Variants in ARHGAP44 observed in about 807,000 individuals in gnomAD.
The protein encoded by ARHGAP44 is rho GTPase-activating protein 44.
In ARHGAP44, 43 loss-of-function variants were observed where a neutral mutation model predicts 106.8. The ratio of observed to expected loss-of-function variants is 0.40; its 90% confidence interval spans 0.32 to 0.52. The LOEUF (loss-of-function observed/expected upper bound fraction) is 0.52. Among genes scored for constraint, ARHGAP44 ranks in the 20% least tolerant of loss-of-function variants. ARHGAP44 has a pLI of 0.48. For missense variants in ARHGAP44, 866 were observed against 1,050.5 expected, an observed-to-expected ratio of 0.82 and a Z score of 2.43; for synonymous variants, 439 against 410.3, an observed-to-expected ratio of 1.07 and a Z score of -0.85.
intron 19 of ARHGAP44, chr17:12,982,844 C>T (rs2143429507): frequency 6.6e-6 from 1 of 152,184 alleles, no homozygotes; most frequent in South Asian, 2.1e-4. Context: ...GACTGACACA[C>T]CCAGAGAATA....
intron 1 of ARHGAP44, among the ~76,000 whole-genome samples, chr17:12,793,581 G>A (rs908676564): frequency 3.3e-5 from 5 of 152,264 alleles, no homozygotes; most frequent in East Asian, 3.9e-4. Context: ...GGTGGCGGGC[G>A]CCTGTAATCC....
chr17:12,867,802 A>T (rs903114178), intron 1 of ARHGAP44, among the ~76,000 whole-genome samples: 1 of 152,174 alleles, frequency 6.6e-6, no homozygotes, highest in Non-Finnish European at 1.5e-5. Context: ...ATGCTATTCG[A>T]CCAGGTTTAT....
intron 17 of ARHGAP44, chr17:12,973,660 T>G: frequency 4.2e-6 from 2 of 480,596 alleles, no homozygotes; most frequent in East Asian, 3.7e-5. Flanking sequence ...CCCCCTTCGC[T>G]GCCCCTCCCA....
intron 3 of ARHGAP44, among the ~76,000 whole-genome samples, chr17:12,897,098 C>T (rs929315640): frequency 3.9e-5 from 6 of 152,128 alleles, no homozygotes; most frequent in Non-Finnish European, 8.8e-5. Context: ...GCATGAACAG[C>T]CTCTGCAGGT....
chr17:12,847,802 G>A (rs2035617184), intron 1 of ARHGAP44, among the ~76,000 whole-genome samples: 1 of 152,214 alleles, frequency 6.6e-6, no homozygotes, highest in South Asian at 2.1e-4. Context: ...ACCGCGCCCG[G>A]CCCATCACTC....
chr17:12,958,729 A>G lies in ARHGAP44; in HGVS notation c.1355A>G (p.Asn452Ser), dbSNP rs764430563. The G allele has an allele frequency of 3.7e-6, 6 of 1,613,932 alleles. No individual in the cohort carries two copies. Among genetic ancestry groups the G allele is most frequent in the South Asian group, 2.2e-5 (2 of 91,054 alleles). Residue 452 changes from asparagine (N) to serine (S), a missense_variant, in exon 16 of 21, where the codon AAC becomes AGC. Coordinates refer to ENST00000379672, the MANE Select transcript of ARHGAP44 (RefSeq NM_014859.6). This position sits in a 1 kb window ranked among gnomAD's most constrained non-coding sequence, Gnocchi z 4.1. ...TTCTTCCCCGCAGAGATAGAGTTCA[A>G]CATTACTGGCAATTATGGGAGTCCA... is the stretch of plus-strand genomic sequence containing the variant. ...DWFFPGEIEF[N>S]ITGNYGSPVH...
chr17:12,959,067 G>A lies in ARHGAP44; in HGVS notation c.1523+170G>A, dbSNP rs192378353. The A allele has an allele frequency of 4.7e-3, 3,728 of 797,796 alleles. 13 individuals carry two copies. The highest frequency in any genetic ancestry group is 8.9e-3 in the Middle Eastern group (31 of 3,470). 49.4% of individuals were successfully genotyped at this position (797,796 alleles called of 1,614,324 possible). On this transcript the variant is annotated intron_variant, in intron 16 of 20. Coordinates refer to ENST00000379672, the MANE Select transcript of ARHGAP44 (RefSeq NM_014859.6). The stretch of plus-strand genomic sequence containing the variant: ...GCTGTGTCTGGGATGAGTTTCTTTG[G>A]CTTGCCGCCCTTTAGACCAGAGGTC...
At chr17:12,854,905 C>G (rs1253138256) in intron 1 of ARHGAP44, among the ~76,000 whole-genome samples, 1 of 148,540 alleles carries the variant, frequency 6.7e-6, no homozygotes, top group Non-Finnish European at 1.5e-5. Context: ...TTGCGGTGAG[C>G]CGAGATCATG....
chr17:12,856,621 A>G (rs1220989009), intron 1 of ARHGAP44, among the ~76,000 whole-genome samples: 2 of 152,158 alleles, frequency 1.3e-5, no homozygotes. Flanking sequence ...CTGTTATAAC[A>G]TACGGGTTAT....
Position 12,796,758 on chromosome 17 carries a change from G to A in ARHGAP44, c.53+6867G>A, listed in dbSNP as rs1232777236. Among the ~76,000 whole-genome samples the A allele has an allele frequency of 2.6e-5, 4 of 151,584 alleles. No homozygotes were observed. The East Asian group carries it at 7.8e-4, about 29-fold the overall frequency. On this transcript the variant is annotated intron_variant, in intron 1 of 20. Transcript: ENST00000379672. The stretch of plus-strand genomic sequence containing the variant: ...ACTACAGGCACCTGCCACCACACCT[G>A]GCTAATTTTTTTTTTTTTTTGAATT...
intron 18 of ARHGAP44, among the ~76,000 whole-genome samples, chr17:12,978,677 T>TC (rs1397543482): frequency 1.6e-4 from 20 of 125,978 alleles, no homozygotes; most frequent in Non-Finnish European, 3.6e-4. Context: ...CTTTTTTTTT[T>TC]CTTTTCTTTT....
At chr17:12,790,574 G>A (rs953993043) in intron 1 of ARHGAP44, 1 of 152,492 alleles carries the variant, frequency 6.6e-6, no homozygotes, top group African/African-American at 2.4e-5. Flanking sequence ...AAGTCCTCGG[G>A]AAGATGAGAT....
intron 1 of ARHGAP44, among the ~76,000 whole-genome samples, chr17:12,830,064 C>T (rs2035039456): frequency 6.6e-6 from 1 of 152,142 alleles, no homozygotes; most frequent in Non-Finnish European, 1.5e-5. Context: ...GTCCTCCTAC[C>T]ACTAAGCAAC....
chr17:12,843,447 A>G lies in ARHGAP44; in HGVS notation c.54-51493A>G, dbSNP rs530538052. 4.6e-5 allele frequency among the ~76,000 whole-genome samples: 7 copies of G among 151,936 alleles called. No individual in the cohort carries two copies. The South Asian group carries it at 6.2e-4, about 14-fold the overall frequency. ...CCTTTGTATCTTTAAGCATGGTTTT[A>G]GACAGCTGCCCTAAAATTCTTATCT... On this transcript the variant is annotated intron_variant, in intron 1 of 20. Coordinates refer to ENST00000379672, the MANE Select transcript of ARHGAP44 (RefSeq NM_014859.6).
intron 3 of ARHGAP44, among the ~76,000 whole-genome samples, chr17:12,905,181 G>A (rs1369678271): frequency 6.6e-6 from 1 of 151,846 alleles, no homozygotes; most frequent in African/African-American, 2.4e-5. Context: ...CAAAGTGCTG[G>A]GATTACTGGC....
chr17:12,838,796 C>A (rs148981492), intron 1 of ARHGAP44, among the ~76,000 whole-genome samples: 158 of 152,032 alleles, frequency 1.0e-3, no homozygotes, highest in African/African-American at 3.7e-3. Context: ...CTCAGTCTTC[C>A]GAGTAGCTGG....
chr17:12,844,774 A>T (rs549444285), intron 1 of ARHGAP44, among the ~76,000 whole-genome samples: 1 of 151,514 alleles, frequency 6.6e-6, no homozygotes, highest in South Asian at 2.1e-4. Flanking sequence ...TTTTATTTTT[A>T]TTTATTTATT....
chr17:12,974,162 G>C lies in ARHGAP44; in HGVS notation c.1615G>C (p.Ala539Pro). ...GSSAGRKVSC[A>P]PPSMQPPAPP... ...CTCGGCCGGTCGGAAAGTGTCCTGC[G>C]CCCCGCCCTCCATGCAGCCTCCCGC... is the stretch of plus-strand genomic sequence containing the variant. The change falls in exon 18 of 21, where the codon GCC (alanine) becomes CCC (proline). Residue 539 changes from alanine to proline, a missense_variant. Ala to Pro is a conservative substitution (Grantham distance 27). Coordinates refer to ENST00000379672, the MANE Select transcript of ARHGAP44 (RefSeq NM_014859.6). 1 of 1,554,628 alleles carries C rather than the reference G, an allele frequency of 6.4e-7. No individual in the cohort carries two copies. The highest frequency in any genetic ancestry group is 8.7e-7 in the Non-Finnish European group (1 of 1,149,708).
chr17:12,888,359 A>T (rs2036942766), intron 1 of ARHGAP44, among the ~76,000 whole-genome samples: 1 of 152,144 alleles, frequency 6.6e-6, no homozygotes, highest in Non-Finnish European at 1.5e-5. Context: ...TGGATTATTT[A>T]AAAGTTGTTT....
Sources: gnomAD v4.1 joint callset for allele counts (sites outside exome capture counted in the v4.1 genomes callset) on GRCh38, gnomAD v4.1.1 for gene constraint, Gnocchi (gnomAD v3.1) non-coding constraint, MANE v1.5 for transcripts, NCBI Gene and HGNC (gene_info 2026-07-23, HGNC 2026-07-21) for gene names.